Variants in FOXN1 observed in about 807,000 individuals in gnomAD.
The protein encoded by FOXN1 is forkhead box protein N1.
Under a neutral mutation model 49.0 loss-of-function variants are expected in FOXN1, and 15 were observed. The ratio of observed to expected loss-of-function variants is 0.31; its 90% CI spans 0.20 to 0.47. FOXN1 has a LOEUF of 0.47. FOXN1 is among the 20% of genes least tolerant of loss of function. FOXN1 has a pLI of 1.00. For synonymous variants in FOXN1, 356 were observed against 369.0 expected (o/e 0.96, Z 0.40); for missense variants, 800 against 842.8 (o/e 0.95, Z 0.63).
intron 4 of FOXN1, among the ~76,000 whole-genome samples, chr17:28,528,477 G>GA (rs1567881448): frequency 0.017 from 1 of 58 alleles, no homozygotes; most frequent in Non-Finnish European, 0.033. Context: ...CCTGGACCGA[G>GA]GTGACTCAGG....
At chr17:28,535,566 A>G (rs2070042301) in intron 8 of FOXN1, among the ~76,000 whole-genome samples, 2 of 152,164 alleles carry the variant, frequency 1.3e-5, no homozygotes, top group South Asian at 4.1e-4. Flanking sequence ...CTTGGCCAAC[A>G]TGGAGAAACA....
At chr17:28,530,642 T>C (rs2069888531) in intron 5 of FOXN1, 107 bp from the exon 6 acceptor site, 1 of 748,378 alleles carries the variant, frequency 1.3e-6, no homozygotes, top group Non-Finnish European at 2.5e-6. Context: ...CATTCCCTTC[T>C]CTTTCACCTC....
intron 6 of FOXN1, among the ~76,000 whole-genome samples, chr17:28,532,427 C>G (rs1437538735): frequency 6.6e-6 from 1 of 152,226 alleles, no homozygotes; most frequent in Non-Finnish European, 1.5e-5. Flanking sequence ...GGGCCCTTAG[C>G]TGGGGGACAG....
At chr17:28,515,812 G>A (rs2058480348) in intron 1 of FOXN1, among the ~76,000 whole-genome samples, 1 of 150,354 alleles carries the variant, frequency 6.7e-6, no homozygotes, top group Non-Finnish European at 1.5e-5. Context: ...TTCCCCAGGT[G>A]TATACACCTC....
In FOXN1 at chr17:28,516,895, TACCTCCACAAGGACAC is replaced by T. The variant is rs1567873248; in HGVS notation, c.-14-7051_-14-7036del. On this transcript the variant is annotated intron_variant, in intron 1 of 8. Coordinates refer to ENST00000579795, the MANE Select transcript of FOXN1 (RefSeq NM_001369369.1). ...TGGGTACACACCTCCACAGGATCCA[TACCTCCACAAGGACAC>T]ACCTCCACAGGGTACACACCTCCAC... Among the ~76,000 whole-genome samples, 6 of 31,828 alleles carry T rather than the reference TACCTCCACAAGGACAC, an allele frequency of 1.9e-4. 1 individual carries two copies. The highest frequency in any genetic ancestry group is 4.1e-4 in the Non-Finnish European group (5 of 12,242). 20.9% of individuals were successfully genotyped at this position (31,828 alleles called of 152,430 possible). A position where few individuals can be genotyped will look rare whatever the true frequency, so the allele number is the denominator to read the frequency against.
intron 6 of FOXN1, among the ~76,000 whole-genome samples, chr17:28,531,814 C>T (rs1442889147): frequency 6.6e-6 from 1 of 152,196 alleles, no homozygotes; most frequent in Non-Finnish European, 1.5e-5. Flanking sequence ...CATCTATGGT[C>T]CTGCCTGGGG....
intron 1 of FOXN1, among the ~76,000 whole-genome samples, chr17:28,517,404 G>A (rs2069540547): frequency 6.9e-6 from 1 of 144,712 alleles, no homozygotes; most frequent in Non-Finnish European, 1.5e-5. Flanking sequence ...GTTCCATAGG[G>A]TACACACCTC....
At chr17:28,510,232 C>A (rs1555606787) in intron 1 of FOXN1, among the ~76,000 whole-genome samples, 3 of 152,152 alleles carry the variant, frequency 2.0e-5, no homozygotes, top group Admixed American at 1.3e-4. Flanking sequence ...GCCTTCAGGG[C>A]TCCCCCCACT....
intron 1 of FOXN1, among the ~76,000 whole-genome samples, chr17:28,514,465 T>G (rs2069452847): frequency 6.6e-6 from 1 of 152,094 alleles, no homozygotes; most frequent in African/African-American, 2.4e-5. Context: ...AGAAAGGAGC[T>G]AGAAACCCCC....
In FOXN1 at chr17:28,514,880, C is replaced by T. The variant is rs140342705; in HGVS notation, c.-15+8437C>T. On this transcript the variant is annotated intron_variant, in intron 1 of 8. Coordinates refer to ENST00000579795, the MANE Select transcript of FOXN1 (RefSeq NM_001369369.1). ...CAGACCCTCCCAAGGAAACCTCCAA[C>T]GTCGCCCCCACCCACCTTTCAGGCT... Among the ~76,000 whole-genome samples the T allele has an allele frequency of 4.2e-3, 637 of 152,198 alleles. 3 individuals are homozygous for T. Among genetic ancestry groups the T allele is most frequent in the Non-Finnish European group, 6.8e-3 (463 of 67,986 alleles).
chr17:28,534,138 G>A lies in FOXN1; in HGVS notation c.928-193G>A, dbSNP rs2069988914. ...TGAGATGAAAATAACTTGGGGTCAA[G>A]GTTCCTGTTCACCCGTCCCCTACCA... is the stretch of plus-strand genomic sequence containing the variant. On this transcript the variant is annotated intron_variant, in intron 6 of 8. Transcript: ENST00000579795. The surrounding 1 kb of genome is among the most constrained non-coding windows in gnomAD (Gnocchi z 4.1). Among the ~76,000 whole-genome samples the A allele has an allele frequency of 1.3e-5, 2 of 152,162 alleles. 1 individual carries two copies. The highest frequency in any genetic ancestry group is 4.1e-4 in the South Asian group (2 of 4,826).
chr17:28,509,816 C>A (rs139075395), intron 1 of FOXN1, among the ~76,000 whole-genome samples: 2 of 152,136 alleles, frequency 1.3e-5, no homozygotes, highest in African/African-American at 4.8e-5. Flanking sequence ...GGGCTGGGAG[C>A]GTAACTGATC....
chr17:28,531,696 G>C (rs2151494669), intron 6 of FOXN1, among the ~76,000 whole-genome samples: 1 of 152,198 alleles, frequency 6.6e-6, no homozygotes, highest in East Asian at 1.9e-4. Flanking sequence ...CCTTCTCCAA[G>C]CCCTAGTAGA....
chr17:28,520,791 G>A (rs2069626206), intron 1 of FOXN1, among the ~76,000 whole-genome samples: 3 of 152,228 alleles, frequency 2.0e-5, no homozygotes, highest in Admixed American at 1.3e-4. Flanking sequence ...AGGAGGTGGT[G>A]CAGGCCTGAG....
At chr17:28,516,776 T>C (rs1224635601) in intron 1 of FOXN1, among the ~76,000 whole-genome samples, 5 of 86,226 alleles carry the variant, frequency 5.8e-5, no homozygotes, top group African/African-American at 1.7e-4. Context: ...ACAGGATCCA[T>C]ACCTCAAAAG....
chr17:28,507,472 C>T (rs548561010), intron 1 of FOXN1, among the ~76,000 whole-genome samples: 1 of 152,320 alleles, frequency 6.6e-6, no homozygotes, highest in Non-Finnish European at 1.5e-5. Context: ...CGGAGGGGCT[C>T]ATCTTGGGAA....
intron 1 of FOXN1, among the ~76,000 whole-genome samples, chr17:28,519,921 A>T (rs2069605836): frequency 6.6e-6 from 1 of 152,070 alleles, no homozygotes; most frequent in African/African-American, 2.4e-5. Flanking sequence ...TCCCTTCCTG[A>T]TGCTCCCGAT....
chr17:28,528,396 C>T (rs2069823698), intron 4 of FOXN1, among the ~76,000 whole-genome samples: 1 of 152,152 alleles, frequency 6.6e-6, no homozygotes. Context: ...CTCACCATGC[C>T]TGGCCCTGCT....
intron 4 of FOXN1, among the ~76,000 whole-genome samples, chr17:28,528,564 C>T (rs2069828407): frequency 1.3e-5 from 2 of 152,148 alleles, no homozygotes; most frequent in Non-Finnish European, 1.5e-5. Flanking sequence ...CTCCTACCCC[C>T]ATCCCCCATA....
Sources: gnomAD v4.1 joint callset for allele counts (sites outside exome capture counted in the v4.1 genomes callset) on GRCh38, gnomAD v4.1.1 for gene constraint, Gnocchi (gnomAD v3.1) non-coding constraint, MANE v1.5 for transcripts, NCBI Gene and HGNC (gene_info 2026-07-23, HGNC 2026-07-21) for gene names.